The following ATP8A2 variants were observed in gnomAD, a reference collection of about 807,000 sequenced individuals.
ATP8A2 encodes the protein phospholipid-transporting ATPase IB.
Under a neutral mutation model 165.6 loss-of-function variants are expected in ATP8A2, and 100 were observed. The observed-to-expected ratio is 0.60, with a 90% confidence interval of 0.51 to 0.71. The LOEUF (loss-of-function observed/expected upper bound fraction) is 0.71, where lower values mean the gene tolerates loss of function less well. Ranked by LOEUF, ATP8A2 falls within the 30% of genes least tolerant of loss-of-function variation. The pLI, the probability that ATP8A2 is intolerant of heterozygous loss-of-function variation, is 0.00. For missense variants in ATP8A2, 1,227 were observed against 1,479.5 expected (o/e 0.83, Z 2.80); for synonymous variants, 543 against 548.8 (o/e 0.99, Z 0.15).
intron 1 of ATP8A2, among the ~76,000 whole-genome samples, chr13:25,384,738 A>G (rs2032977645): frequency 6.6e-6 from 1 of 152,168 alleles, no homozygotes; most frequent in Admixed American, 6.5e-5. Context: ...GTTCTGAATT[A>G]CACTTATTTA....
At chr13:25,607,559 C>T (rs1593636707) in intron 24 of ATP8A2, among the ~76,000 whole-genome samples, 1 of 152,198 alleles carries the variant, frequency 6.6e-6, no homozygotes, top group African/African-American at 2.4e-5. Flanking sequence ...GCAACACAAA[C>T]CGCATGGCCC....
chr13:25,753,394 T>C (rs549803037), intron 25 of ATP8A2, among the ~76,000 whole-genome samples: 1 of 152,362 alleles, frequency 6.6e-6, no homozygotes, highest in South Asian at 2.1e-4. Flanking sequence ...TGTGTGGTTA[T>C]TGGCTTCCTC....
At chr13:25,808,552 T>G (rs1950792536) in intron 27 of ATP8A2, among the ~76,000 whole-genome samples, 1 of 150,174 alleles carries the variant, frequency 6.7e-6, no homozygotes, top group Non-Finnish European at 1.5e-5. Context: ...TGAACCGATA[T>G]CATGCCACTG....
intron 35 of ATP8A2, among the ~76,000 whole-genome samples, chr13:25,973,688 G>GA (rs572412610): frequency 1.2e-3 from 183 of 152,266 alleles, no homozygotes; most frequent in South Asian, 2.1e-3. Context: ...AAACAGTGTT[G>GA]AAAAAACTGT....
chr13:25,592,035 T>TTG (rs1442706623), intron 24 of ATP8A2, among the ~76,000 whole-genome samples: 2 of 151,872 alleles, frequency 1.3e-5, no homozygotes, highest in African/African-American at 4.8e-5. Flanking sequence ...CTGGTTTTTT[T>TTG]TTTTTTAATA....
chr13:25,640,989 A>G (rs2041504987), intron 24 of ATP8A2, among the ~76,000 whole-genome samples: 1 of 152,202 alleles, frequency 6.6e-6, no homozygotes, highest in Non-Finnish European at 1.5e-5. Context: ...TATAAACAGA[A>G]CCAAAGACAA....
At chr13:25,637,702 G>A (rs1329002798) in intron 24 of ATP8A2, among the ~76,000 whole-genome samples, 1 of 152,186 alleles carries the variant, frequency 6.6e-6, no homozygotes, top group South Asian at 2.1e-4. Flanking sequence ...CCAAACAAAA[G>A]GCAGCAGAAA....
chr13:25,442,178 G>A (rs2034948864), intron 1 of ATP8A2, among the ~76,000 whole-genome samples: 2 of 152,166 alleles, frequency 1.3e-5, no homozygotes, highest in Non-Finnish European at 2.9e-5. Flanking sequence ...CGTTGTAGCT[G>A]CTGTGAATAG....
intron 27 of ATP8A2, among the ~76,000 whole-genome samples, chr13:25,801,276 G>A (rs1165683841): frequency 6.6e-6 from 1 of 152,148 alleles, no homozygotes; most frequent in Non-Finnish European, 1.5e-5. Flanking sequence ...CTTTCAACAA[G>A]TCTTATGGGC....
At chr13:25,893,016 G>A (rs1356934089) in intron 33 of ATP8A2, among the ~76,000 whole-genome samples, 3 of 151,896 alleles carry the variant, frequency 2.0e-5, no homozygotes, top group Non-Finnish European at 4.4e-5. Flanking sequence ...CGTAAGTCCA[G>A]AGAAGATTTT....
Position 25,413,505 on chromosome 13 carries a change from C to T in ATP8A2, c.76+41217C>T, listed in dbSNP as rs374586116. Among the ~76,000 whole-genome samples, 3 of 152,234 alleles carry T rather than the reference C, an allele frequency of 2.0e-5. No homozygotes were observed. In the East Asian group the frequency reaches 5.8e-4, roughly 29 times the overall value. On this transcript the variant is annotated intron_variant, in intron 1 of 36. Transcript: ENST00000381655. ...CCATGTTGGCCAGGCTGGTCTTGAA[C>T]TCCTGGCCTCAGGTGATCTGCCCGC...
Position 26,019,886 on chromosome 13 carries a change from A to C in ATP8A2, c.3470-2A>C, listed in dbSNP as rs1198020664. 9 of 1,611,068 alleles carry C rather than the reference A, an allele frequency of 5.6e-6. No individual in the cohort carries two copies. Among genetic ancestry groups the C allele is most frequent in the South Asian group, 1.1e-5 (1 of 91,004 alleles). On this transcript the variant is annotated splice_acceptor_variant, in intron 36 of 36. Transcript: ENST00000381655. LOFTEE classifies it high-confidence loss of function. ...AGTTTCTCCTGTGTGCTTCACTTTC[A>C]GATGGGTATGCTTTTTCTCAAGAAG...
At chr13:25,373,771 A>T (rs1440298802) in intron 1 of ATP8A2, among the ~76,000 whole-genome samples, 2 of 152,154 alleles carry the variant, frequency 1.3e-5, no homozygotes, top group East Asian at 3.9e-4. Flanking sequence ...CCTACCATAG[A>T]TCCAAGAGGA....
chr13:25,553,774 C>A lies in ATP8A2; in HGVS notation c.1058-19C>A, dbSNP rs2038894566. The A allele has an allele frequency of 6.2e-7, 1 of 1,607,288 alleles. No individual in the cohort carries two copies. The highest frequency in any genetic ancestry group is 1.7e-5 in the Admixed American group (1 of 58,934). ...TTTGGTTGTGAACACCTTTCAGATA[C>A]TCTGGTTTCCTTCCACAGACACCAC... On this transcript the variant is annotated intron_variant, in intron 11 of 36. Transcript: ENST00000381655.
intron 24 of ATP8A2, among the ~76,000 whole-genome samples, chr13:25,606,639 A>T (rs2040524892): frequency 6.6e-6 from 1 of 152,206 alleles, no homozygotes; most frequent in Admixed American, 6.5e-5. Flanking sequence ...CCTTATTACC[A>T]GGAAATTAAA....
At position 25,953,541 on chromosome 13, in the gene ATP8A2, AAAAAAG is replaced by A. The variant is rs1451759072; in HGVS notation, c.3184-8033_3184-8028del. Among the ~76,000 whole-genome samples, 4,520 of 144,094 alleles carry A rather than the reference AAAAAAG, an allele frequency of 0.031. 116 individuals are homozygous for A. The highest frequency in any genetic ancestry group is 0.055 in the Middle Eastern group (15 of 272). 94.5% of individuals were successfully genotyped at this position (144,094 alleles called of 152,430 possible). On this transcript the variant is annotated intron_variant, in intron 33 of 36. Transcript: ENST00000381655. The surrounding 1 kb of genome is among the most constrained non-coding windows in gnomAD (Gnocchi z 6.7). ...CCTTTTTAAAAAAAAAAAAAAAAAA[AAAAAAG>A]CAAGGGAAATAGGCAAGACGGCCAA... is the stretch of plus-strand genomic sequence containing the variant.
intron 33 of ATP8A2, among the ~76,000 whole-genome samples, chr13:25,917,262 T>C (rs1478214186): frequency 6.6e-6 from 1 of 152,152 alleles, no homozygotes; most frequent in African/African-American, 2.4e-5. Context: ...TTAAGCATAA[T>C]GAGATTAGCC....
chr13:25,513,456 C>T (rs890079618), intron 2 of ATP8A2, among the ~76,000 whole-genome samples: 8 of 150,138 alleles, frequency 5.3e-5, no homozygotes, highest in South Asian at 2.1e-4. Flanking sequence ...CGGGAAGAGG[C>T]GCTCCTCACT....
At position 25,551,248 on chromosome 13, in the gene ATP8A2, G is replaced by T. The variant is rs189732984; in HGVS notation, c.892-90G>T. The T allele has an allele frequency of 1.2e-4, 153 of 1,260,670 alleles. No homozygotes were observed. The East Asian group carries it at 3.5e-3, about 29-fold the overall frequency. 78.1% of individuals were successfully genotyped at this position (1,260,670 alleles called of 1,614,324 possible). A position where few individuals can be genotyped will look rare whatever the true frequency, so the allele number is the denominator to read the frequency against. ...AAAAATAGTCTTTTACTTGTTGGTT[G>T]TTAAATATGGTTGTTTTACCTCCTT... On this transcript the variant is annotated intron_variant, in intron 10 of 36. Coordinates refer to ENST00000381655, the MANE Select transcript of ATP8A2 (RefSeq NM_016529.6).
Sources: gnomAD v4.1 joint callset for allele counts (sites outside exome capture counted in the v4.1 genomes callset) on GRCh38, gnomAD v4.1.1 for gene constraint, Gnocchi (gnomAD v3.1) non-coding constraint, MANE v1.5 for transcripts, NCBI Gene and HGNC (gene_info 2026-07-23, HGNC 2026-07-21) for gene names.